The following ZNF74 variants were observed in gnomAD, a reference collection of about 807,000 sequenced individuals.
The protein encoded by ZNF74 is zinc finger protein 74.
Under a neutral mutation model 17.7 loss-of-function variants are expected in ZNF74, and 12 were observed. The ratio of observed to expected loss-of-function variants is 0.68; its 90% CI spans 0.43 to 1.10. The LOEUF (loss-of-function observed/expected upper bound fraction) is 1.10. Ranked by LOEUF, ZNF74 falls within the 50% of genes least tolerant of loss-of-function variation. The pLI is 0.00. For synonymous variants in ZNF74, 358 were observed against 362.1 expected, an observed-to-expected ratio of 0.99 and a Z score of 0.13; for missense variants, 811 against 881.0, an observed-to-expected ratio of 0.92 and a Z score of 1.01.
chr22:20,406,807 C>G lies in ZNF74; in HGVS notation c.1774C>G (p.Leu592Val), dbSNP rs1028515368. ...KPLAIQFNKH[L>V]LSTYYVPGSL... The stretch of plus-strand genomic sequence containing the variant: ...CTTGGCCATCCAGTTCAACAAACAC[C>G]TGCTCAGCACATACTACGTGCCTGG... The change falls in exon 5 of 5, where the codon CTG (leucine) becomes GTG (valine). Residue 592 changes from leucine to valine, a missense_variant. By Grantham distance (32) the Leu-to-Val change is conservative. This residue lies in a region of ZNF74 where 115 missense variants were observed against 119.5 expected (regional missense o/e 0.96). Transcript: ENST00000400451. The G allele has an allele frequency of 1.9e-6, 3 of 1,614,014 alleles. No individual in the cohort carries two copies. The highest frequency in any genetic ancestry group is 2.5e-6 in the Non-Finnish European group (3 of 1,180,044).
intron 4 of ZNF74, among the ~76,000 whole-genome samples, chr22:20,405,051 C>T (rs1470394611): frequency 6.6e-6 from 1 of 152,214 alleles, no homozygotes; most frequent in African/African-American, 2.4e-5. Context: ...TGAGTGTAAT[C>T]CTCATCAACA....
chr22:20,404,893 T>A (rs1380787782), intron 4 of ZNF74, among the ~76,000 whole-genome samples: 1 of 152,158 alleles, frequency 6.6e-6, no homozygotes, highest in Non-Finnish European at 1.5e-5. Context: ...TGAGCCGAGA[T>A]CGCGCCACTG....
chr22:20,405,753 G>C lies in ZNF74; in HGVS notation c.720G>C (p.Gly240=). ...EKFPQVRRQR[G]AGAGEGEFVC... ...TCCCCCAGGTGCGCCGGCAGCGCGG[G>C]GCGGGCGCCGGGGAGGGCGAGTTCG... Residue 240 remains glycine, a synonymous_variant, in exon 5 of 5, where the codon GGG becomes GGC. Transcript: ENST00000400451. The C allele has an allele frequency of 1.2e-6, 2 of 1,605,458 alleles. No homozygotes were observed. Among genetic ancestry groups the C allele is most frequent in the Non-Finnish European group, 1.7e-6 (2 of 1,176,566 alleles).
chr22:20,404,445 A>T (rs1171099208), intron 4 of ZNF74, among the ~76,000 whole-genome samples: 1 of 152,026 alleles, frequency 6.6e-6, no homozygotes, highest in African/African-American at 2.4e-5. Context: ...CTCCCACCTC[A>T]GCCTCCTGAG....
chr22:20,406,423 C>T lies in ZNF74; in HGVS notation c.1390C>T (p.Arg464Cys), dbSNP rs776694286. 5 of 1,613,738 alleles carry T rather than the reference C, an allele frequency of 3.1e-6. No homozygotes were observed. The highest frequency in any genetic ancestry group is 4.5e-5 in the East Asian group (2 of 44,876). Residue 464 changes from arginine (R) to cysteine (C), a missense_variant, in exon 5 of 5, where the codon CGC becomes TGC. Arg to Cys is a radical substitution (Grantham distance 180, BLOSUM62 -3). Around this residue, in one of 3 missense-constraint regions of ZNF74, gnomAD observed 666 missense variants for 702.3 expected, o/e 0.95. Transcript: ENST00000400451. ...CCACGCGTACCTGCTCGTGCACCGGCGCATCCACAGCGGCGAGAAGCCCTT... is the reference window on the plus strand; with the variant it reads ...CCACGCGTACCTGCTCGTGCACCGGTGCATCCACAGCGGCGAGAAGCCCTT... ...SCHAYLLVHR[R>C]IHSGEKPFKC...
At chr22:20,395,510 C>T (rs1014437752) in intron 2 of ZNF74, 92 bp downstream of exon 2, 20 of 962,356 alleles carry the variant, frequency 2.1e-5, no homozygotes, top group Admixed American at 4.1e-5. Context: ...GACCTTCACC[C>T]GGGTACCTGC....
intron 2 of ZNF74, 76 bp from the exon 3 acceptor site, chr22:20,400,556 C>T (rs1226818943): frequency 9.5e-6 from 15 of 1,586,436 alleles, no homozygotes; most frequent in Non-Finnish European, 1.3e-5. Flanking sequence ...CTTGTAGGGT[C>T]CTTAATCAAT....
chr22:20,395,219 C>T (rs755971492), intron 1 of ZNF74, 114 bp from the exon 2 acceptor site: 64 of 715,028 alleles, frequency 9.0e-5, no homozygotes, highest in Non-Finnish European at 1.5e-4. Context: ...CCCCACCTGG[C>T]CTTGCTGGCA....
chr22:20,404,523 T>G (rs1303742667), intron 4 of ZNF74, among the ~76,000 whole-genome samples: 1 of 152,116 alleles, frequency 6.6e-6, no homozygotes, highest in Non-Finnish European at 1.5e-5. Flanking sequence ...GGGGTCTCAC[T>G]GTGTTACCCA....
At position 20,406,350 on chromosome 22, in the gene ZNF74, G is replaced by T. The variant is rs762706113; in HGVS notation, c.1317G>T (p.Thr439=). The T allele has an allele frequency of 6.2e-7, 1 of 1,611,978 alleles. No homozygotes were observed. The highest frequency in any genetic ancestry group is 2.2e-5 in the East Asian group (1 of 44,712). ...SRLTLHQRTH[T]GEKPFKCADC... ...TCACCCTCCACCAGAGGACGCACAC[G>T]GGCGAGAAGCCCTTCAAGTGCGCCG... is the stretch of plus-strand genomic sequence containing the variant. Residue 439 remains threonine, a synonymous_variant, in exon 5 of 5, where the codon ACG becomes ACT. Transcript: ENST00000400451.
In ZNF74 at chr22:20,401,210, C is replaced by A; in HGVS notation, c.248-67C>A. 9.6e-7 allele frequency: 1 copy of A among 1,041,090 alleles called. No individual in the cohort carries two copies. The highest frequency in any genetic ancestry group is 1.5e-6 in the Non-Finnish European group (1 of 689,484). 64.5% of individuals were successfully genotyped at this position (1,041,090 alleles called of 1,614,324 possible). A position where few individuals can be genotyped will look rare whatever the true frequency, so the allele number is the denominator to read the frequency against. On this transcript the variant is annotated intron_variant, in intron 3 of 4. Coordinates refer to ENST00000400451, the MANE Select transcript of ZNF74 (RefSeq NM_003426.4). The surrounding 1 kb of genome is among the most constrained non-coding windows in gnomAD (Gnocchi z 4.2). Reference sequence around the variant, plus strand: ...CACAGGCATTGTCCTTGTTAGGGGGCGGCCTGTAAGGTCGACTGGGCCTGG... The same window carrying A: ...CACAGGCATTGTCCTTGTTAGGGGGAGGCCTGTAAGGTCGACTGGGCCTGG...
Position 20,407,077 on chromosome 22 carries a change from C to G in ZNF74, c.*109C>G. Reference sequence around the variant, plus strand: ...GACCACCTTCCTCCAGGTGTGGGAGCCTTGCCTTATCACCCCCATCAGGTC... The same window carrying G: ...GACCACCTTCCTCCAGGTGTGGGAGGCTTGCCTTATCACCCCCATCAGGTC... On this transcript the variant is annotated 3_prime_UTR_variant, in exon 5 of 5. Transcript: ENST00000400451. 1 of 1,450,240 alleles carries G rather than the reference C, an allele frequency of 6.9e-7. No homozygotes were observed. The highest frequency in any genetic ancestry group is 9.1e-7 in the Non-Finnish European group (1 of 1,104,774). 89.8% of individuals were successfully genotyped at this position (1,450,240 alleles called of 1,614,324 possible). A position where few individuals can be genotyped will look rare whatever the true frequency, so the allele number is the denominator to read the frequency against.
Position 20,406,380 on chromosome 22 carries a change from C to T in ZNF74, c.1347C>T (p.Cys449=), listed in dbSNP as rs1165930997. Residue 449 remains cysteine, a synonymous_variant, in exon 5 of 5, where the codon TGC becomes TGT. Coordinates refer to ENST00000400451, the MANE Select transcript of ZNF74 (RefSeq NM_003426.4). The part of the protein sequence containing the change: ...TGEKPFKCAD[C]GKGFSCHAYL... Reference sequence around the variant, plus strand: ...AGAAGCCCTTCAAGTGCGCCGACTGCGGGAAGGGCTTCAGCTGCCACGCGT... The same window carrying T: ...AGAAGCCCTTCAAGTGCGCCGACTGTGGGAAGGGCTTCAGCTGCCACGCGT... 6.9e-5 allele frequency: 111 copies of T among 1,613,486 alleles called. No homozygotes were observed. The East Asian group carries it at 2.4e-3, about 35-fold the overall frequency.
intron 2 of ZNF74, chr22:20,400,406 T>C: frequency 1.8e-6 from 1 of 544,466 alleles, no homozygotes; most frequent in East Asian, 3.4e-5. Context: ...AGACCTGCTT[T>C]CCCAATCTAG....
chr22:20,405,230 T>G, intron 4 of ZNF74, 147 bp from the exon 5 acceptor site: 1 of 831,654 alleles, frequency 1.2e-6, no homozygotes, highest in East Asian at 2.7e-5. Flanking sequence ...GGGCGCTCCC[T>G]TCTCTCTGCC....
At position 20,401,480 on chromosome 22, in the gene ZNF74, T is replaced by C; in HGVS notation, c.343+108T>C. On this transcript the variant is annotated intron_variant, in intron 4 of 4. Transcript: ENST00000400451. The surrounding 1 kb of genome is among the most constrained non-coding windows in gnomAD (Gnocchi z 4.2). ...AGTTTGCCCCGGCTCCATCTCCCCT[T>C]TTCAGGTCCCCCGCCAGACCCTCCT... 1.4e-6 allele frequency: 1 copy of C among 729,210 alleles called. No individual in the cohort carries two copies. Among genetic ancestry groups the C allele is most frequent in the Non-Finnish European group, 2.4e-6 (1 of 423,538 alleles). 45.2% of individuals were successfully genotyped at this position (729,210 alleles called of 1,614,324 possible).
In ZNF74 at chr22:20,406,273, A is replaced by AAC; in HGVS notation, c.1241_1242insCA (p.Lys414AsnfsTer198). Reference sequence around the variant, plus strand: ...GCATGAGAAGATCCACAGCGGGGACAAGCCGTTCAAGTGCAGCGACTGCGA... The same window carrying AAC: ...GCATGAGAAGATCCACAGCGGGGACAACAGCCGTTCAAGTGCAGCGACTGCGA... On this transcript the variant is annotated frameshift_variant, in exon 5 of 5. Coordinates refer to ENST00000400451, the MANE Select transcript of ZNF74 (RefSeq NM_003426.4). LOFTEE classifies it low-confidence loss of function (END_TRUNC). 1 of 1,610,828 alleles carries AAC rather than the reference A, an allele frequency of 6.2e-7. No individual in the cohort carries two copies.
chr22:20,406,976 T>A lies in ZNF74; in HGVS notation c.*8T>A. On this transcript the variant is annotated 3_prime_UTR_variant, in exon 5 of 5. Coordinates refer to ENST00000400451, the MANE Select transcript of ZNF74 (RefSeq NM_003426.4). ...AGCAAACCTCGAAACTAACATGATG[T>A]GCTTTGGTGTCAGTAGCTGCTTTCT... 6.2e-7 allele frequency: 1 copy of A among 1,603,930 alleles called. No individual in the cohort carries two copies. The highest frequency in any genetic ancestry group is 1.3e-5 in the African/African-American group (1 of 74,916).
intron 2 of ZNF74, chr22:20,399,569 TC>T: frequency 2.9e-6 from 1 of 350,066 alleles, no homozygotes; most frequent in Middle Eastern, 8.5e-4. Context: ...GATTTACATG[TC>T]CTTTTTTTTT....
Sources: allele counts gnomAD v4.1 joint callset (sites outside exome capture counted in the v4.1 genomes callset), GRCh38; gene constraint gnomAD v4.1.1; regional missense constraint gnomAD v4.1.1; non-coding constraint Gnocchi (gnomAD v3.1); transcripts MANE v1.5; gene names NCBI Gene and HGNC (gene_info 2026-07-23, HGNC 2026-07-21).